Variants in KLRF1 observed in about 807,000 individuals in gnomAD.
KLRF1 encodes the protein killer cell lectin-like receptor subfamily F member 1.
In KLRF1, 27 loss-of-function variants were observed where a neutral mutation model predicts 30.7. The ratio of observed to expected loss-of-function variants is 0.88; its 90% confidence interval spans 0.65 to 1.21. The LOEUF (loss-of-function observed/expected upper bound fraction) is 1.21, where lower values mean the gene tolerates loss of function less well. Ranked by LOEUF, KLRF1 falls within the 50% of genes most tolerant of loss-of-function variation. KLRF1 has a pLI of 0.00. For synonymous variants in KLRF1, 92 were observed against 89.3 expected (o/e 1.03, Z -0.17); for missense variants, 246 against 259.3 (o/e 0.95, Z 0.35).
At position 9,844,749 on chromosome 12, in the gene KLRF1, A is replaced by T. The variant is rs1565511773; in HGVS notation, c.*223A>T. ...TTACGTGATAGTATAAACCAATGTG[A>T]CTTCATGTGATCATATCCAGGATTT... On this transcript the variant is annotated 3_prime_UTR_variant, in exon 6 of 6. Transcript: ENST00000617889. 6.9e-6 allele frequency: 2 copies of T among 287,890 alleles called. No individual in the cohort carries two copies. Among genetic ancestry groups the T allele is most frequent in the Non-Finnish European group, 6.5e-6 (1 of 153,178 alleles). The allele number at this position is 287,890 out of a possible 1,614,324, so 17.8% of individuals were successfully genotyped here.
intron 3 of KLRF1, among the ~76,000 whole-genome samples, chr12:9,835,880 G>A (rs1172191706): frequency 6.6e-6 from 1 of 152,008 alleles, no homozygotes; most frequent in South Asian, 2.1e-4. Context: ...GGAGGAGGGC[G>A]GCAGCTTGCT....
chr12:9,837,333 T>C (rs1028514748), intron 3 of KLRF1, among the ~76,000 whole-genome samples: 1 of 151,664 alleles, frequency 6.6e-6, no homozygotes, highest in African/African-American at 2.4e-5. Context: ...TAGATACATA[T>C]ATACTTATAT....
the KLRF1 span, among the ~76,000 whole-genome samples, chr12:9,800,166 C>T: frequency 6.6e-6 from 1 of 152,194 alleles, no homozygotes; most frequent in East Asian, 1.9e-4. Flanking sequence ...AAACTGTCAA[C>T]ATGTTTTCCA....
chr12:9,819,079 A>G, the KLRF1 span, among the ~76,000 whole-genome samples: 6 of 152,144 alleles, frequency 3.9e-5, no homozygotes, highest in Non-Finnish European at 5.9e-5. Flanking sequence ...TCTCCCATGG[A>G]TCTTTGCAAC....
intron 3 of KLRF1, among the ~76,000 whole-genome samples, chr12:9,836,487 T>G (rs745591641): frequency 6.6e-6 from 1 of 152,086 alleles, no homozygotes; most frequent in Admixed American, 6.6e-5. Context: ...CCTCCAATAC[T>G]TCCACCCTGA....
At chr12:9,840,438 A>T (rs760515070) in intron 3 of KLRF1, among the ~76,000 whole-genome samples, 1 of 152,222 alleles carries the variant, frequency 6.6e-6, no homozygotes, top group South Asian at 2.1e-4. Flanking sequence ...GCCTTTACAT[A>T]TATTTTTATA....
chr12:9,811,984 G>T, the KLRF1 span, among the ~76,000 whole-genome samples: 135 of 152,242 alleles, frequency 8.9e-4, no homozygotes, highest in African/African-American at 3.2e-3. Context: ...GTGAACTATA[G>T]CGTACAAAAA....
chr12:9,801,817 T>C, the KLRF1 span, among the ~76,000 whole-genome samples: 1 of 152,114 alleles, frequency 6.6e-6, no homozygotes, highest in African/African-American at 2.4e-5. Context: ...ACTCTGAGGA[T>C]AGTTTACTTT....
chr12:9,801,419 C>T, the KLRF1 span, among the ~76,000 whole-genome samples: 1 of 152,016 alleles, frequency 6.6e-6, no homozygotes, highest in Non-Finnish European at 1.5e-5. Flanking sequence ...TGAGGAATCA[C>T]CACACTGTCT....
the KLRF1 span, among the ~76,000 whole-genome samples, chr12:9,807,682 C>T: frequency 2.0e-5 from 3 of 152,032 alleles, 1 homozygote; most frequent in African/African-American, 7.2e-5. Context: ...GTGTCATTTG[C>T]TTTCACTCTT....
intron 5 of KLRF1, among the ~76,000 whole-genome samples, chr12:9,842,743 C>T (rs1334418332): frequency 1.3e-5 from 2 of 151,952 alleles, no homozygotes; most frequent in African/African-American, 4.8e-5. Context: ...TAAAATAAAA[C>T]CAATGTGCAT....
At chr12:9,830,721 A>G (rs372285958) in intron 1 of KLRF1, among the ~76,000 whole-genome samples, 60 of 151,918 alleles carry the variant, frequency 3.9e-4, no homozygotes, top group Non-Finnish European at 8.2e-4. Flanking sequence ...TATTCCTAGA[A>G]TAAACCAATC....
At position 9,828,102 on chromosome 12, in the gene KLRF1, G is replaced by A. The variant is rs1054369633; in HGVS notation, c.85+473G>A. 5.3e-5 allele frequency among the ~76,000 whole-genome samples: 8 copies of A among 150,584 alleles called. 1 individual carries two copies. The highest frequency in any genetic ancestry group is 4.2e-4 in the South Asian group (2 of 4,782). ...TAATGCTATTTTTTTTTTTTGAGAC[G>A]GAGTTTCACTGTTGTTGCCCAGGCT... is the stretch of plus-strand genomic sequence containing the variant. On this transcript the variant is annotated intron_variant, in intron 1 of 5. Transcript: ENST00000617889.
intron 1 of KLRF1, among the ~76,000 whole-genome samples, chr12:9,828,422 C>G (rs887579488): frequency 4.6e-5 from 7 of 150,978 alleles, no homozygotes; most frequent in African/African-American, 1.7e-4. Context: ...AAACTTTATG[C>G]TTTTCACCAA....
At chr12:9,830,989 G>C (rs990480175) in intron 1 of KLRF1, among the ~76,000 whole-genome samples, 1 of 150,434 alleles carries the variant, frequency 6.6e-6, no homozygotes, top group African/African-American at 2.4e-5. Context: ...TTATTTTTTT[G>C]AGATGGAGTC....
chr12:9,826,093 T>A (rs1395096878), upstream of KLRF1, among the ~76,000 whole-genome samples: 1 of 152,236 alleles, frequency 6.6e-6, no homozygotes, highest in Non-Finnish European at 1.5e-5. Context: ...TAATAGTTTA[T>A]CTTATTTAAA....
At chr12:9,834,626 C>A (rs1342472668) in intron 3 of KLRF1, among the ~76,000 whole-genome samples, 2 of 151,928 alleles carry the variant, frequency 1.3e-5, no homozygotes, top group Non-Finnish European at 2.9e-5. Context: ...AATTGAGAAA[C>A]TAAACGGCAG....
the KLRF1 span, among the ~76,000 whole-genome samples, chr12:9,803,181 G>A: frequency 1.3e-5 from 2 of 151,936 alleles, no homozygotes; most frequent in Admixed American, 6.6e-5. Context: ...TTTGATCTTC[G>A]ACAAACCTGA....
chr12:9,839,505 A>C (rs945903497), intron 3 of KLRF1, among the ~76,000 whole-genome samples: 3 of 152,128 alleles, frequency 2.0e-5, no homozygotes, highest in African/African-American at 7.2e-5. Flanking sequence ...TATTCAGAAC[A>C]TAGAAAGAAC....
Sources: allele counts gnomAD v4.1 joint callset (sites outside exome capture counted in the v4.1 genomes callset), GRCh38; gene constraint gnomAD v4.1.1; transcripts MANE v1.5; gene names NCBI Gene and HGNC (gene_info 2026-07-23, HGNC 2026-07-21).